ACTR3C: variants seen among roughly 807,000 people sequenced by gnomAD.
The protein encoded by ACTR3C is actin-related protein 3C.
A neutral mutation model predicts 26.3 loss-of-function variants in ACTR3C; 18 were observed. That is an observed-to-expected ratio of 0.68 (90% CI 0.47 to 1.01). The LOEUF is 1.01. Ranked by LOEUF, ACTR3C falls within the 50% of genes least tolerant of loss-of-function variation. ACTR3C has a pLI of 0.00. For missense variants in ACTR3C, 184 were observed against 250.7 expected, an observed-to-expected ratio of 0.73 and a Z score of 1.80; for synonymous variants, 55 against 94.5, an observed-to-expected ratio of 0.58 and a Z score of 2.42.
chr7:150,216,174 C>T, the ACTR3C span, among the ~76,000 whole-genome samples: 97 of 151,720 alleles, frequency 6.4e-4, no homozygotes, highest in Non-Finnish European at 1.2e-3. Flanking sequence ...TCAGATAGAG[C>T]GAAGAATTTT....
chr7:150,114,872 T>A, the ACTR3C span, among the ~76,000 whole-genome samples: 2 of 152,136 alleles, frequency 1.3e-5, no homozygotes, highest in African/African-American at 4.8e-5. Flanking sequence ...CAGAGAGGGC[T>A]ACAGAGGACC....
chr7:150,291,125 C>T (rs1836221786), intron 3 of ACTR3C, among the ~76,000 whole-genome samples: 1 of 151,852 alleles, frequency 6.6e-6, no homozygotes. Flanking sequence ...TGCGTGCACA[C>T]ACGTGTCTTA....
chr7:150,232,951 A>G, the ACTR3C span, among the ~76,000 whole-genome samples: 4 of 152,182 alleles, frequency 2.6e-5, no homozygotes, highest in Non-Finnish European at 5.9e-5. Flanking sequence ...CACTAATCAT[A>G]TGATACCATC....
the ACTR3C span, among the ~76,000 whole-genome samples, chr7:150,054,606 C>T: frequency 1.1e-4 from 17 of 152,334 alleles, no homozygotes; most frequent in Admixed American, 7.2e-4. Flanking sequence ...GTCTCTTAGC[C>T]GAGCCCAGTG....
At chr7:150,206,883 T>C in the ACTR3C span, among the ~76,000 whole-genome samples, 1 of 152,234 alleles carries the variant, frequency 6.6e-6, no homozygotes, top group Admixed American at 6.5e-5. Flanking sequence ...AAAGTTGCTT[T>C]ATTGTTTTTA....
chr7:150,037,451 C>T, the ACTR3C span, among the ~76,000 whole-genome samples: 68 of 42,068 alleles, frequency 1.6e-3, 25 homozygotes, highest in Non-Finnish European at 2.8e-3. Context: ...CCCTGCCTCG[C>T]GGGGGGTGCC....
chr7:149,927,491 C>T, the ACTR3C span, among the ~76,000 whole-genome samples: 7 of 150,300 alleles, frequency 4.7e-5, no homozygotes, highest in South Asian at 8.4e-4. Context: ...CACTTTGGGA[C>T]GCCGAGGCAG....
At chr7:149,894,854 A>ACTAC in the ACTR3C span, among the ~76,000 whole-genome samples, 1 of 151,926 alleles carries the variant, frequency 6.6e-6, no homozygotes, top group Non-Finnish European at 1.5e-5. Flanking sequence ...TAAAAATAGA[A>ACTAC]CTACCATACG....
chr7:150,159,283 C>T, the ACTR3C span, among the ~76,000 whole-genome samples: 2 of 151,904 alleles, frequency 1.3e-5, no homozygotes, highest in Non-Finnish European at 2.9e-5. Context: ...CCAGGATGGG[C>T]TTGGTATGTC....
the ACTR3C span, among the ~76,000 whole-genome samples, chr7:149,996,299 C>T: frequency 1.5e-4 from 22 of 150,512 alleles, no homozygotes; most frequent in African/African-American, 3.9e-4. Flanking sequence ...TGGGAGACGG[C>T]GGAGGCTCCA....
At chr7:150,045,991 A>G in the ACTR3C span, among the ~76,000 whole-genome samples, 1 of 152,128 alleles carries the variant, frequency 6.6e-6, no homozygotes, top group Non-Finnish European at 1.5e-5. Flanking sequence ...CCCTCCCCCA[A>G]TTAAACCATT....
chr7:150,069,705 C>T, the ACTR3C span, among the ~76,000 whole-genome samples: 1 of 152,028 alleles, frequency 6.6e-6, no homozygotes, highest in South Asian at 2.1e-4. Flanking sequence ...GCTTACTAGG[C>T]ATTCTCAGAC....
chr7:150,182,121 T>C, the ACTR3C span, among the ~76,000 whole-genome samples: 1 of 150,568 alleles, frequency 6.6e-6, no homozygotes, highest in Non-Finnish European at 1.5e-5. Flanking sequence ...CTCCTGAGGA[T>C]CTAAGTTCAT....
At chr7:150,034,900 TG>T in the ACTR3C span, among the ~76,000 whole-genome samples, 1 of 134,244 alleles carries the variant, frequency 7.4e-6, no homozygotes. Flanking sequence ...TCGCGGGGGG[TG>T]CCTCCCCCAC....
chr7:150,128,845 A>G, the ACTR3C span, among the ~76,000 whole-genome samples: 2 of 152,128 alleles, frequency 1.3e-5, no homozygotes, highest in African/African-American at 4.8e-5. Flanking sequence ...GTCAACTGTA[A>G]GAGACAGGAG....
the ACTR3C span, among the ~76,000 whole-genome samples, chr7:150,176,967 T>C: frequency 2.6e-4 from 39 of 150,976 alleles, 3 homozygotes; most frequent in African/African-American, 9.7e-4. Flanking sequence ...ACTTGGATAA[T>C]ATCCCTAGAG....
At chr7:150,208,776 T>G in the ACTR3C span, among the ~76,000 whole-genome samples, 2 of 152,116 alleles carry the variant, frequency 1.3e-5, no homozygotes, top group African/African-American at 2.4e-5. Context: ...TTACCAGGCT[T>G]GCAGAGAAGC....
the ACTR3C span, among the ~76,000 whole-genome samples, chr7:150,119,063 G>T: frequency 1.3e-5 from 2 of 152,098 alleles, no homozygotes; most frequent in African/African-American, 4.8e-5. Context: ...CACCAGGCCT[G>T]CCCTAAAAGA....
the ACTR3C span, among the ~76,000 whole-genome samples, chr7:150,162,575 A>C: frequency 1.3e-5 from 2 of 152,148 alleles, no homozygotes; most frequent in African/African-American, 4.8e-5. Flanking sequence ...TCGGTCTCCC[A>C]AAGTGCTGGG....
Sources: gnomAD v4.1 joint callset for allele counts (sites outside exome capture counted in the v4.1 genomes callset) on GRCh38, gnomAD v4.1.1 for gene constraint, MANE v1.5 for transcripts, NCBI Gene and HGNC (gene_info 2026-07-23, HGNC 2026-07-21) for gene names.